The following TEAD1 variants were observed in gnomAD, a reference collection of about 807,000 sequenced individuals.
TEAD1 encodes TEA domain transcription factor 1.
In TEAD1, 9 loss-of-function variants were observed where a neutral mutation model predicts 54.9. The observed-to-expected ratio is 0.16, with a 90% CI of 0.10 to 0.29. The LOEUF (loss-of-function observed/expected upper bound fraction) is 0.29, where lower values mean the gene tolerates loss of function less well. Ranked by LOEUF, TEAD1 falls within the 10% of genes least tolerant of loss-of-function variation. TEAD1 has a pLI of 1.00. For missense variants in TEAD1, 387 were observed against 535.9 expected, an observed-to-expected ratio of 0.72 and a Z score of 2.74; for synonymous variants, 200 against 187.8, an observed-to-expected ratio of 1.07 and a Z score of -0.53.
intron 2 of TEAD1, among the ~76,000 whole-genome samples, chr11:12,686,986 T>C (rs1423228971): frequency 1.3e-5 from 2 of 152,152 alleles, no homozygotes; most frequent in Non-Finnish European, 2.9e-5. Context: ...ACTGTTACCT[T>C]GTTGGGGTGG....
chr11:12,823,803 A>G (rs1364799918), intron 3 of TEAD1: 1 of 152,168 alleles, frequency 6.6e-6, no homozygotes, highest in African/African-American at 2.4e-5. Context: ...CTTGGCAACT[A>G]TTATGTCCCA....
At chr11:12,752,961 T>C (rs557777323) in intron 2 of TEAD1, among the ~76,000 whole-genome samples, 44 of 152,002 alleles carry the variant, frequency 2.9e-4, no homozygotes, top group Admixed American at 9.8e-4. Context: ...TACTTCAGCC[T>C]CTGGGGTAGC....
At chr11:12,919,785 C>T (rs942871258) in intron 10 of TEAD1, among the ~76,000 whole-genome samples, 1 of 152,128 alleles carries the variant, frequency 6.6e-6, no homozygotes, top group African/African-American at 2.4e-5. Context: ...TAGGTGTGAG[C>T]TGAATTTTTA....
intron 2 of TEAD1, among the ~76,000 whole-genome samples, chr11:12,723,118 T>C (rs977233004): frequency 3.3e-5 from 5 of 152,206 alleles, no homozygotes; most frequent in East Asian, 1.9e-4. Flanking sequence ...TGGCTCTCAA[T>C]GGATATTGCT....
chr11:12,892,913 AAGCCAGGTCACC>A (rs1392667982), intron 9 of TEAD1, among the ~76,000 whole-genome samples: 1 of 152,208 alleles, frequency 6.6e-6, no homozygotes, highest in Non-Finnish European at 1.5e-5. Flanking sequence ...TCATGCCAGT[AAGCCAGGTCACC>A]AGCATCTGTG....
chr11:12,759,260 C>T (rs750132828), intron 2 of TEAD1, among the ~76,000 whole-genome samples: 1 of 152,112 alleles, frequency 6.6e-6, no homozygotes, highest in Admixed American at 6.5e-5. Flanking sequence ...AGAGCACCTG[C>T]ATTGGACTGT....
chr11:12,788,333 T>C (rs902592619), intron 3 of TEAD1, among the ~76,000 whole-genome samples: 8 of 152,052 alleles, frequency 5.3e-5, no homozygotes, highest in Non-Finnish European at 2.9e-5. Context: ...GGTTTCACCA[T>C]GTTGGCCAGG....
intron 3 of TEAD1, among the ~76,000 whole-genome samples, chr11:12,846,815 T>C (rs531300775): frequency 6.6e-6 from 1 of 152,180 alleles, no homozygotes; most frequent in Non-Finnish European, 1.5e-5. Flanking sequence ...ACAGGGAAGA[T>C]TGAGCTAATT....
At chr11:12,911,760 C>T (rs1317422256) in intron 10 of TEAD1, among the ~76,000 whole-genome samples, 5 of 148,536 alleles carry the variant, frequency 3.4e-5, no homozygotes, top group African/African-American at 1.2e-4. Flanking sequence ...ATTTGTATAT[C>T]TGCCCATTTT....
intron 3 of TEAD1, among the ~76,000 whole-genome samples, chr11:12,787,121 C>T (rs1318418097): frequency 6.6e-6 from 1 of 152,074 alleles, no homozygotes; most frequent in East Asian, 1.9e-4. Flanking sequence ...AAAGGATCAC[C>T]GGCTGCTGGG....
intron 3 of TEAD1, among the ~76,000 whole-genome samples, chr11:12,798,287 C>T (rs1221870212): frequency 6.6e-6 from 1 of 152,150 alleles, no homozygotes; most frequent in Non-Finnish European, 1.5e-5. Flanking sequence ...TTTTTCTGAC[C>T]ACTCCATCTT....
rs988642523 is a variant in TEAD1 at position 12,779,925 on chromosome 11, T to A, written c.202+15491T>A. ...GATTAGAAGAGAGCCTCTCACCTGCTAAAGGGCATCTGTGAAAAATCTAAG... is the reference window on the plus strand; with the variant it reads ...GATTAGAAGAGAGCCTCTCACCTGCAAAAGGGCATCTGTGAAAAATCTAAG... On this transcript the variant is annotated intron_variant, in intron 3 of 12. Coordinates refer to ENST00000527636, the MANE Select transcript of TEAD1 (RefSeq NM_021961.6). Among the ~76,000 whole-genome samples the A allele has an allele frequency of 3.9e-5, 6 of 152,220 alleles. No homozygotes were observed. The East Asian group carries it at 9.6e-4, about 24-fold the overall frequency.
At chr11:12,863,310 T>G (rs1589936801) in intron 4 of TEAD1, among the ~76,000 whole-genome samples, 1 of 152,070 alleles carries the variant, frequency 6.6e-6, no homozygotes, top group African/African-American at 2.4e-5. Context: ...CAAAGAGAGG[T>G]GGCCTCCTGC....
chr11:12,741,901 T>C (rs1944658332), intron 2 of TEAD1, among the ~76,000 whole-genome samples: 1 of 152,174 alleles, frequency 6.6e-6, no homozygotes, highest in South Asian at 2.1e-4. Flanking sequence ...TGCCTTGCTT[T>C]TCAGCAGAAA....
chr11:12,917,846 G>GT (rs879569516), intron 10 of TEAD1, among the ~76,000 whole-genome samples: 12 of 152,138 alleles, frequency 7.9e-5, no homozygotes, highest in African/African-American at 1.9e-4. Flanking sequence ...TCTAAGTGTT[G>GT]TTTTTTAACA....
rs550622145 is a variant in TEAD1 at position 12,825,092 on chromosome 11, G to T, written c.203-37158G>T. 5.9e-5 allele frequency among the ~76,000 whole-genome samples: 9 copies of T among 152,186 alleles called. No homozygotes were observed. The East Asian group carries it at 1.7e-3, about 29-fold the overall frequency. ...GTTCATCAGTATAAGAAAATATTTA[G>T]CCAGTTCTGTTTCGTAAAGTCTTCA... is the stretch of plus-strand genomic sequence containing the variant. On this transcript the variant is annotated intron_variant, in intron 3 of 12. Coordinates refer to ENST00000527636, the MANE Select transcript of TEAD1 (RefSeq NM_021961.6).
chr11:12,876,540 A>G (rs946320130), intron 5 of TEAD1, among the ~76,000 whole-genome samples: 1 of 152,142 alleles, frequency 6.6e-6, no homozygotes, highest in African/African-American at 2.4e-5. Context: ...CCAAGCCCTC[A>G]AGTTCTTTTG....
At chr11:12,822,242 G>A (rs1219620770) in intron 3 of TEAD1, among the ~76,000 whole-genome samples, 1 of 152,166 alleles carries the variant, frequency 6.6e-6, no homozygotes, top group Non-Finnish European at 1.5e-5. Context: ...GATTACAGGC[G>A]TGAGCCACCG....
At chr11:12,906,061 A>G (rs547079208) in intron 10 of TEAD1, among the ~76,000 whole-genome samples, 53 of 152,304 alleles carry the variant, frequency 3.5e-4, no homozygotes, top group South Asian at 1.7e-3. Flanking sequence ...GCCCCAGAGC[A>G]TAAATGAATA....
Sources: gnomAD v4.1 joint callset for allele counts (sites outside exome capture counted in the v4.1 genomes callset) on GRCh38, gnomAD v4.1.1 for gene constraint, MANE v1.5 for transcripts, NCBI Gene and HGNC (gene_info 2026-07-23, HGNC 2026-07-21) for gene names.